Variants in ADARB1 observed in about 807,000 individuals in gnomAD.
ADARB1 encodes adenosine deaminase RNA specific B1.
A neutral mutation model predicts 52.4 loss-of-function variants in ADARB1; 10 were observed. The ratio of observed to expected loss-of-function variants is 0.19; its 90% CI spans 0.12 to 0.32. The LOEUF (loss-of-function observed/expected upper bound fraction) is 0.32, where lower values mean the gene tolerates loss of function less well. ADARB1 is among the 10% of genes least tolerant of loss of function. ADARB1 has a pLI of 1.00. For synonymous variants in ADARB1, 349 were observed against 371.1 expected (o/e 0.94, Z 0.68); for missense variants, 643 against 922.3 (o/e 0.70, Z 3.92).
At chr21:45,131,676 A>G (rs931200010) in intron 2 of ADARB1, among the ~76,000 whole-genome samples, 2 of 152,216 alleles carry the variant, frequency 1.3e-5, no homozygotes, top group Non-Finnish European at 2.9e-5. Flanking sequence ...GTCAGGAACT[A>G]AAGTTCTCTC....
intron 1 of ADARB1, among the ~76,000 whole-genome samples, chr21:45,077,920 G>A (rs750210705): frequency 6.6e-6 from 1 of 152,162 alleles, no homozygotes. Flanking sequence ...TTTATCTGGG[G>A]TGTGGACAGG....
chr21:45,084,909 G>T (rs1279990510), intron 1 of ADARB1, among the ~76,000 whole-genome samples: 1 of 152,158 alleles, frequency 6.6e-6, no homozygotes, highest in Non-Finnish European at 1.5e-5. Context: ...ATCTTTTCAA[G>T]AATGTAAAGT....
At chr21:45,123,310 T>A (rs1249402313) in intron 1 of ADARB1, among the ~76,000 whole-genome samples, 5 of 151,142 alleles carry the variant, frequency 3.3e-5, no homozygotes, top group African/African-American at 9.7e-5. Flanking sequence ...TAATTATAAT[T>A]ATTATTATTT....
intron 2 of ADARB1, among the ~76,000 whole-genome samples, chr21:45,170,872 T>C (rs1158491987): frequency 6.6e-6 from 1 of 152,246 alleles, no homozygotes; most frequent in African/African-American, 2.4e-5. Context: ...CTAGAAATTG[T>C]AATACCTGTT....
At chr21:45,124,176 T>C (rs1416736321) in intron 1 of ADARB1, among the ~76,000 whole-genome samples, 1 of 152,250 alleles carries the variant, frequency 6.6e-6, no homozygotes, top group African/African-American at 2.4e-5. Flanking sequence ...TGATCACATT[T>C]TGTATACGAT....
rs1436707083 is a variant in ADARB1 at position 45,204,974 on chromosome 21, A to G, written c.1747+238A>G. ...TTACCAATCACAAACCTAGCCATTC[A>G]TAGAAGAATTGATGGGTTCACACCT... is the stretch of plus-strand genomic sequence containing the variant. On this transcript the variant is annotated intron_variant, in intron 9 of 10. Transcript: ENST00000348831. This position sits in a 1 kb window ranked among gnomAD's most constrained non-coding sequence, Gnocchi z 4.4. Among the ~76,000 whole-genome samples, 1 of 152,158 alleles carries G rather than the reference A, an allele frequency of 6.6e-6. No individual in the cohort carries two copies. The highest frequency in any genetic ancestry group is 1.9e-4 in the East Asian group (1 of 5,182).
At chr21:45,201,862 C>T (rs1297626713) in intron 8 of ADARB1, among the ~76,000 whole-genome samples, 2 of 151,964 alleles carry the variant, frequency 1.3e-5, no homozygotes, top group Admixed American at 6.5e-5. Flanking sequence ...AGGGAGGCCT[C>T]CCTCAGAACG....
Position 45,128,250 on chromosome 21 carries a change from C to T in ADARB1, c.-219-152C>T, listed in dbSNP as rs757847473. ...ATTGCGCATATCCCCTTTACAGATT[C>T]GGAAGAGTACATTTAAAATAACTTA... On this transcript the variant is annotated intron_variant, in intron 1 of 10. Coordinates refer to ENST00000348831, the MANE Select transcript of ADARB1 (RefSeq NM_001112.4). The surrounding 1 kb of genome is among the most constrained non-coding windows in gnomAD (Gnocchi z 4.6). Among the ~76,000 whole-genome samples the T allele has an allele frequency of 2.0e-5, 3 of 152,162 alleles. No homozygotes were observed. Among genetic ancestry groups the T allele is most frequent in the Non-Finnish European group, 2.9e-5 (2 of 68,014 alleles).
intron 3 of ADARB1, 189 bp downstream of exon 3, chr21:45,171,873 G>GT: frequency 1.7e-6 from 1 of 583,294 alleles, no homozygotes; most frequent in South Asian, 2.2e-5. Context: ...TGCTGCAGAC[G>GT]TTTTTCCTTC....
intron 8 of ADARB1, among the ~76,000 whole-genome samples, chr21:45,198,518 CACAT>C (rs1448709322): frequency 6.6e-6 from 1 of 151,392 alleles, no homozygotes; most frequent in Non-Finnish European, 1.5e-5. Context: ...CACACACACA[CACAT>C]ACACACACAC....
intron 1 of ADARB1, among the ~76,000 whole-genome samples, chr21:45,075,208 C>T (rs928821338): frequency 6.8e-6 from 1 of 146,124 alleles, no homozygotes; most frequent in Non-Finnish European, 1.5e-5. Context: ...GCCCGGGGAC[C>T]AGAGGCTGCC....
intron 1 of ADARB1, among the ~76,000 whole-genome samples, chr21:45,102,677 G>A (rs1481369653): frequency 2.6e-5 from 4 of 152,210 alleles, no homozygotes; most frequent in East Asian, 1.9e-4. Context: ...AAACAAAGTA[G>A]TATTGGATTA....
chr21:45,140,214 C>A (rs1378842807), intron 2 of ADARB1, among the ~76,000 whole-genome samples: 1 of 152,142 alleles, frequency 6.6e-6, no homozygotes, highest in Admixed American at 6.6e-5. Context: ...AAAAATCATT[C>A]TTCTAAAGTG....
At chr21:45,202,429 C>A (rs1432391735) in intron 8 of ADARB1, among the ~76,000 whole-genome samples, 1 of 152,150 alleles carries the variant, frequency 6.6e-6, no homozygotes, top group Non-Finnish European at 1.5e-5. Context: ...CTGCCTACCC[C>A]ACTTGCCAGC....
At chr21:45,129,241 A>G (rs1371611086) in intron 2 of ADARB1, among the ~76,000 whole-genome samples, 1 of 152,038 alleles carries the variant, frequency 6.6e-6, no homozygotes, top group Non-Finnish European at 1.5e-5. Flanking sequence ...AAAAAAAAAG[A>G]AGAACATTTC....
chr21:45,132,418 GGAACTAGGAAGCCA>G (rs1339147022), intron 2 of ADARB1: 2 of 152,200 alleles, frequency 1.3e-5, no homozygotes, highest in African/African-American at 4.8e-5. Flanking sequence ...CTTCTACCCT[GGAACTAGGAAGCCA>G]GACCCAAGAA....
intron 3 of ADARB1, among the ~76,000 whole-genome samples, chr21:45,174,991 G>A (rs1027204459): frequency 3.9e-5 from 6 of 152,074 alleles, no homozygotes; most frequent in Non-Finnish European, 8.8e-5. Context: ...ATCATGGAAC[G>A]ATATTAAGGA....
At chr21:45,171,463 C>A in intron 2 of ADARB1, 147 bp from the exon 3 acceptor site, 1 of 606,502 alleles carries the variant, frequency 1.6e-6, no homozygotes, top group Non-Finnish European at 2.9e-6. Flanking sequence ...GATGGCAGAT[C>A]TGACTTCTCT....
chr21:45,212,201 A>T (rs992289802), intron 9 of ADARB1, among the ~76,000 whole-genome samples: 6 of 152,198 alleles, frequency 3.9e-5, no homozygotes, highest in Non-Finnish European at 8.8e-5. Context: ...TTTATGAAAG[A>T]TTCAATTCCA....
Sources: allele counts gnomAD v4.1 joint callset (sites outside exome capture counted in the v4.1 genomes callset), GRCh38; gene constraint gnomAD v4.1.1; non-coding constraint Gnocchi (gnomAD v3.1); transcripts MANE v1.5; gene names NCBI Gene and HGNC (gene_info 2026-07-23, HGNC 2026-07-21).